The following CCDC91 variants were observed in gnomAD, a reference collection of about 807,000 sequenced individuals.
The protein encoded by CCDC91 is coiled-coil domain-containing protein 91.
A neutral mutation model predicts 63.2 loss-of-function variants in CCDC91; 48 were observed. The ratio of observed to expected loss-of-function variants is 0.76; its 90% CI spans 0.60 to 0.97. CCDC91 has a LOEUF of 0.97. Ranked by LOEUF, CCDC91 falls within the 50% of genes least tolerant of loss-of-function variation. The probability of loss-of-function intolerance (pLI) is 0.00; values close to 1 mark genes in which losing one functional copy is unlikely to be tolerated. For synonymous variants in CCDC91, 167 were observed against 165.8 expected (o/e 1.01, Z -0.06); for missense variants, 500 against 494.6 (o/e 1.01, Z -0.10).
At chr12:28,282,060 AG>A (rs1462808731) in intron 3 of CCDC91, among the ~76,000 whole-genome samples, 3 of 152,180 alleles carry the variant, frequency 2.0e-5, no homozygotes, top group African/African-American at 7.2e-5. Context: ...CATATATCTC[AG>A]GTAAAAGACA....
chr12:28,473,604 A>G (rs1950931752), intron 11 of CCDC91, among the ~76,000 whole-genome samples: 1 of 152,102 alleles, frequency 6.6e-6, no homozygotes, highest in Admixed American at 6.6e-5. Flanking sequence ...TTTCCTACCT[A>G]TAGTTGTTCC....
intron 1 of CCDC91, among the ~76,000 whole-genome samples, chr12:28,198,004 A>G (rs10843123): frequency 0.26 from 39,689 of 152,092 alleles, 5,449 homozygotes; most frequent in Non-Finnish European, 0.31. Flanking sequence ...TTATAAAATG[A>G]GCTCTGTTAT....
At chr12:28,264,274 C>T (rs1490925809) in intron 3 of CCDC91, among the ~76,000 whole-genome samples, 1 of 151,042 alleles carries the variant, frequency 6.6e-6, no homozygotes, top group Non-Finnish European at 1.5e-5. Context: ...ACATTTGTTT[C>T]CAAAGAAAAA....
At chr12:28,507,747 C>T (rs1292961620) in intron 12 of CCDC91, among the ~76,000 whole-genome samples, 2 of 151,854 alleles carry the variant, frequency 1.3e-5, no homozygotes, top group East Asian at 3.9e-4. Context: ...TACCAGTTTG[C>T]CTTAGGTCAG....
chr12:28,297,852 TTA>T (rs1478033987), intron 3 of CCDC91, among the ~76,000 whole-genome samples: 5 of 151,862 alleles, frequency 3.3e-5, no homozygotes, highest in African/African-American at 1.2e-4. Context: ...AATTTTAAAA[TTA>T]TGTTTACAAT....
chr12:28,295,456 G>A (rs1949510392), intron 3 of CCDC91, among the ~76,000 whole-genome samples: 1 of 151,986 alleles, frequency 6.6e-6, no homozygotes, highest in South Asian at 2.1e-4. Flanking sequence ...TGTTGCAATA[G>A]TGATATTAAA....
chr12:28,393,249 T>G (rs1289482496), intron 8 of CCDC91, among the ~76,000 whole-genome samples: 1 of 152,172 alleles, frequency 6.6e-6, no homozygotes, highest in African/African-American at 2.4e-5. Flanking sequence ...GGGGTCGTTT[T>G]AAGTAGCAAA....
chr12:28,444,326 C>T lies in CCDC91; in HGVS notation c.763-5835C>T, dbSNP rs189597095. Reference sequence around the variant, plus strand: ...GAAATTTATTTTCCACTGAACAATTCGTATTTCAATTGTGATGGGTAAGAT... The same window carrying T: ...GAAATTTATTTTCCACTGAACAATTTGTATTTCAATTGTGATGGGTAAGAT... On this transcript the variant is annotated intron_variant, in intron 8 of 12. Coordinates refer to ENST00000536442, the MANE Select transcript of CCDC91 (RefSeq NM_018318.5). Among the ~76,000 whole-genome samples, 91 of 152,124 alleles carry T rather than the reference C, an allele frequency of 6.0e-4. 1 individual carries two copies. Among genetic ancestry groups the T allele is most frequent in the African/African-American group, 2.0e-3 (85 of 41,490 alleles).
At position 28,417,169 on chromosome 12, in the gene CCDC91, G is replaced by A. The variant is rs572837471; in HGVS notation, c.762+25758G>A. 2.0e-5 allele frequency among the ~76,000 whole-genome samples: 3 copies of A among 152,016 alleles called. No homozygotes were observed. In the South Asian group the frequency reaches 6.2e-4, roughly 32 times the overall value. ...ACACAGTTCTTTACATTCAAAATGT[G>A]TGGTTATTGGGTTTCCTTTTTTATT... is the stretch of plus-strand genomic sequence containing the variant. On this transcript the variant is annotated intron_variant, in intron 8 of 12. Coordinates refer to ENST00000536442, the MANE Select transcript of CCDC91 (RefSeq NM_018318.5).
chr12:28,459,595 G>A (rs775761427), intron 11 of CCDC91, among the ~76,000 whole-genome samples: 1 of 151,798 alleles, frequency 6.6e-6, no homozygotes, highest in Admixed American at 6.6e-5. Flanking sequence ...ATGCCAAACT[G>A]AACTGATTCT....
At chr12:28,300,020 G>T (rs1937879912) in intron 3 of CCDC91, among the ~76,000 whole-genome samples, 2 of 150,816 alleles carry the variant, frequency 1.3e-5, no homozygotes, top group Admixed American at 6.6e-5. Context: ...TTTCTAAGTT[G>T]TTAGTTGGTT....
intron 3 of CCDC91, among the ~76,000 whole-genome samples, chr12:28,290,310 A>G (rs1160268239): frequency 1.3e-5 from 2 of 152,190 alleles, no homozygotes; most frequent in African/African-American, 2.4e-5. Context: ...TTTTTCTGAC[A>G]TAAGGATTGT....
intron 12 of CCDC91, among the ~76,000 whole-genome samples, chr12:28,529,712 TAAG>T (rs1301574465): frequency 1.3e-5 from 2 of 152,208 alleles, no homozygotes; most frequent in Non-Finnish European, 2.9e-5. Flanking sequence ...AGAATGAAGT[TAAG>T]AAGGCGAATC....
chr12:28,270,749 T>A (rs1327235864), intron 3 of CCDC91, among the ~76,000 whole-genome samples: 1 of 152,174 alleles, frequency 6.6e-6, no homozygotes, highest in African/African-American at 2.4e-5. Flanking sequence ...TGATTAAATT[T>A]GTGAAATTTA....
At chr12:28,413,282 G>A (rs1289744159) in intron 8 of CCDC91, among the ~76,000 whole-genome samples, 1 of 151,930 alleles carries the variant, frequency 6.6e-6, no homozygotes. Context: ...CCAACTAAGA[G>A]CCTGTTGAAG....
At chr12:28,344,593 C>A (rs569884564) in intron 6 of CCDC91, among the ~76,000 whole-genome samples, 20 of 152,156 alleles carry the variant, frequency 1.3e-4, no homozygotes, top group African/African-American at 4.6e-4. Flanking sequence ...CAGTTGTCAT[C>A]AAAAATAAAA....
intron 12 of CCDC91, among the ~76,000 whole-genome samples, chr12:28,486,919 T>C (rs1196058162): frequency 6.6e-6 from 1 of 152,018 alleles, no homozygotes; most frequent in Non-Finnish European, 1.5e-5. Context: ...AGAGTTGTTA[T>C]GAATTAATAC....
At chr12:28,365,959 T>G (rs1944245259) in intron 7 of CCDC91, among the ~76,000 whole-genome samples, 1 of 152,192 alleles carries the variant, frequency 6.6e-6, no homozygotes. Context: ...CTGTCCCTGT[T>G]GAGCTGAAAT....
intron 6 of CCDC91, among the ~76,000 whole-genome samples, chr12:28,341,803 C>T (rs533702130): frequency 6.6e-6 from 1 of 152,234 alleles, no homozygotes; most frequent in African/African-American, 2.4e-5. Context: ...GTTTGCCATC[C>T]AGGCCAAGAA....
Sources: gnomAD v4.1 joint callset for allele counts (sites outside exome capture counted in the v4.1 genomes callset) on GRCh38, gnomAD v4.1.1 for gene constraint, MANE v1.5 for transcripts, NCBI Gene and HGNC (gene_info 2026-07-23, HGNC 2026-07-21) for gene names.